LAMA2: variants seen among roughly 807,000 people sequenced by gnomAD.
LAMA2 encodes the protein laminin subunit alpha 2, also known as laminin subunit alpha-2.
Under a neutral mutation model 364.8 loss-of-function variants are expected in LAMA2, and 269 were observed. That is an observed-to-expected ratio of 0.74 (90% CI 0.67 to 0.82). The LOEUF (loss-of-function observed/expected upper bound fraction) is 0.82. Ranked by LOEUF, LAMA2 falls within the 40% of genes least tolerant of loss-of-function variation. LAMA2 has a pLI of 0.00. For missense variants in LAMA2, 3,807 were observed against 3,873.2 expected (o/e 0.98, Z 0.45); for synonymous variants, 1,379 against 1,370.6 (o/e 1.01, Z -0.14).
At chr6:128,967,442 A>C (rs1781913494) in intron 1 of LAMA2, among the ~76,000 whole-genome samples, 1 of 152,168 alleles carries the variant, frequency 6.6e-6, no homozygotes. Flanking sequence ...TGGCCTCATG[A>C]GCTTTGCATG....
At chr6:129,090,531 AG>A (rs1562230286) in intron 3 of LAMA2, among the ~76,000 whole-genome samples, 1 of 152,204 alleles carries the variant, frequency 6.6e-6, no homozygotes, top group African/African-American at 2.4e-5. Flanking sequence ...CGATATATCT[AG>A]GTCTCTCAAT....
At chr6:128,930,929 T>A (rs911128070) in intron 1 of LAMA2, among the ~76,000 whole-genome samples, 59 of 152,306 alleles carry the variant, frequency 3.9e-4, no homozygotes, top group African/African-American at 1.3e-3. Context: ...GCTTTTCTGT[T>A]CCTATGATTC....
At chr6:129,072,384 C>G (rs551260183) in intron 3 of LAMA2, among the ~76,000 whole-genome samples, 2 of 152,118 alleles carry the variant, frequency 1.3e-5, no homozygotes, top group South Asian at 4.2e-4. Context: ...TATGTAGATT[C>G]ACTAGCTTCC....
intron 3 of LAMA2, among the ~76,000 whole-genome samples, chr6:129,089,352 T>G (rs968323839): frequency 6.6e-6 from 1 of 152,246 alleles, no homozygotes; most frequent in Non-Finnish European, 1.5e-5. Context: ...TGTCATAAAT[T>G]GGAGAATGTG....
rs71568945 is a variant in LAMA2, at chr6:129,365,149, G to A, written c.4718-1070G>A. Among the ~76,000 whole-genome samples the A allele has an allele frequency of 5.4e-3, 828 of 152,210 alleles. 3 individuals are homozygous for A. The highest frequency in any genetic ancestry group is 9.3e-3 in the Non-Finnish European group (630 of 68,004). On this transcript the variant is annotated intron_variant, in intron 32 of 64. Coordinates refer to ENST00000421865, the MANE Select transcript of LAMA2 (RefSeq NM_000426.4). ...ATCTGGTAGAATATTAGCATTCTTGGCTACTTAAAGAATATAGTTTTTCTA... is the reference window on the plus strand; with the variant it reads ...ATCTGGTAGAATATTAGCATTCTTGACTACTTAAAGAATATAGTTTTTCTA...
intron 11 of LAMA2, among the ~76,000 whole-genome samples, chr6:129,191,225 GACT>G (rs1224034357): frequency 1.6e-4 from 25 of 152,182 alleles, no homozygotes; most frequent in Admixed American, 1.3e-4. Flanking sequence ...GTTTTATAAA[GACT>G]ACTATTTAGA....
chr6:129,239,918 A>G (rs896649954), intron 12 of LAMA2, among the ~76,000 whole-genome samples: 2 of 152,202 alleles, frequency 1.3e-5, no homozygotes, highest in African/African-American at 4.8e-5. Context: ...ATTGGCTCAC[A>G]TGATCACAAG....
intron 1 of LAMA2, among the ~76,000 whole-genome samples, chr6:128,889,663 A>G (rs963894585): frequency 4.6e-5 from 7 of 152,298 alleles, no homozygotes; most frequent in African/African-American, 1.4e-4. Flanking sequence ...AACAAATATA[A>G]CATTTAGGAA....
At chr6:129,197,953 G>A (rs936126318) in intron 12 of LAMA2, among the ~76,000 whole-genome samples, 3 of 152,050 alleles carry the variant, frequency 2.0e-5, no homozygotes, top group Non-Finnish European at 2.9e-5. Context: ...TATATAAAAA[G>A]CATTTTAATA....
intron 8 of LAMA2, chr6:129,157,551 A>G (rs954745725): frequency 1.5e-5 from 24 of 1,612,636 alleles, no homozygotes; most frequent in Non-Finnish European, 1.9e-5. Context: ...GGATTCAACC[A>G]TCTTGGCAAG....
At chr6:129,154,317 C>T (rs1778979538) in intron 7 of LAMA2, among the ~76,000 whole-genome samples, 188 bp from the exon 8 acceptor site, 1 of 151,918 alleles carries the variant, frequency 6.6e-6, no homozygotes, top group African/African-American at 2.4e-5. Flanking sequence ...GAGGCTGAGA[C>T]AGGAGGATTG....
intron 4 of LAMA2, among the ~76,000 whole-genome samples, chr6:129,142,328 G>C (rs907716961): frequency 6.6e-6 from 1 of 151,924 alleles, no homozygotes; most frequent in Non-Finnish European, 1.5e-5. Context: ...GCTTTGGTGA[G>C]GACTGTTTCG....
chr6:129,239,697 T>C (rs188334291), intron 12 of LAMA2, among the ~76,000 whole-genome samples: 14 of 152,134 alleles, frequency 9.2e-5, no homozygotes, highest in African/African-American at 3.1e-4. Flanking sequence ...TATTTATTTA[T>C]TTTAGATGAA....
intron 1 of LAMA2, among the ~76,000 whole-genome samples, chr6:128,918,989 A>C (rs1328928551): frequency 1.3e-5 from 2 of 152,158 alleles, no homozygotes; most frequent in Non-Finnish European, 2.9e-5. Context: ...AGTGGAGATC[A>C]GGAATCCTTC....
chr6:129,107,281 C>T (rs796539559), intron 4 of LAMA2, among the ~76,000 whole-genome samples: 4 of 152,262 alleles, frequency 2.6e-5, no homozygotes, highest in African/African-American at 9.6e-5. Context: ...TATGGCAAAA[C>T]TCTCTTTAAC....
chr6:129,240,157 A>G (rs774113851), intron 12 of LAMA2, among the ~76,000 whole-genome samples: 1 of 152,202 alleles, frequency 6.6e-6, no homozygotes, highest in African/African-American at 2.4e-5. Context: ...TGAAGACTAG[A>G]AGACTGCGCA....
Position 129,149,104 on chromosome 6 carries a change from C to G in LAMA2, c.1027+8C>G. The G allele has an allele frequency of 1.3e-6, 2 of 1,487,986 alleles. No individual in the cohort carries two copies. Among genetic ancestry groups the G allele is most frequent in the Admixed American group, 1.7e-5 (1 of 59,748 alleles). 92.2% of individuals were successfully genotyped at this position (1,487,986 alleles called of 1,614,324 possible). ...CTAAAACTGAATGTGAAGGTATGTT[C>G]TTTAGAAGCCAACAAAATATGTCAT... On this transcript the variant is annotated splice_region_variant and intron_variant, in intron 7 of 64. Coordinates refer to ENST00000421865, the MANE Select transcript of LAMA2 (RefSeq NM_000426.4).
At chr6:129,408,774 C>G (rs1203132507) in intron 40 of LAMA2, among the ~76,000 whole-genome samples, 1 of 152,174 alleles carries the variant, frequency 6.6e-6, no homozygotes, top group Non-Finnish European at 1.5e-5. Flanking sequence ...AACCTCCATT[C>G]CTGCCACCAT....
At chr6:128,927,125 T>G (rs980655338) in intron 1 of LAMA2, among the ~76,000 whole-genome samples, 2 of 152,158 alleles carry the variant, frequency 1.3e-5, no homozygotes, top group Admixed American at 6.5e-5. Context: ...TAGCTGATAT[T>G]TGTCTTTAAC....
Sources: gnomAD v4.1 joint callset for allele counts (sites outside exome capture counted in the v4.1 genomes callset) on GRCh38, gnomAD v4.1.1 for gene constraint, MANE v1.5 for transcripts, NCBI Gene and HGNC (gene_info 2026-07-23, HGNC 2026-07-21) for gene names.